The following ETV6 variants were observed in gnomAD, a reference collection of about 807,000 sequenced individuals.
ETV6 encodes the protein transcription factor ETV6.
In ETV6, 16 loss-of-function variants were observed where a neutral mutation model predicts 51.1. The observed-to-expected ratio is 0.31, with a 90% CI of 0.21 to 0.48. ETV6 has a LOEUF of 0.48. Ranked by LOEUF, ETV6 falls within the 20% of genes least tolerant of loss-of-function variation. The pLI is 0.99. For synonymous variants in ETV6, 240 were observed against 224.1 expected (o/e 1.07, Z -0.64); for missense variants, 458 against 594.8 (o/e 0.77, Z 2.39).
At position 11,893,797 on chromosome 12, in the gene ETV6, TATATATATATATA is replaced by T. The variant is rs1947338913; in HGVS notation, c.*2752_*2764del. The T allele has an allele frequency of 2.6e-3, 16 of 6,140 alleles. 2 individuals carry two copies. In the South Asian group the frequency reaches 0.036, roughly 14 times the overall value. 0.4% of individuals were successfully genotyped at this position (6,140 alleles called of 1,614,324 possible). ...TCCATCCCCAAGATCTCTCATTTTA[TATATATATATATA>T]TATATATATATATATATATATATAT... On this transcript the variant is annotated 3_prime_UTR_variant, in exon 8 of 8. Coordinates refer to ENST00000396373, the MANE Select transcript of ETV6 (RefSeq NM_001987.5).
chr12:11,883,250 G>A (rs868171561), intron 5 of ETV6, among the ~76,000 whole-genome samples: 9 of 145,708 alleles, frequency 6.2e-5, no homozygotes, highest in South Asian at 2.2e-4. Context: ...CATAGAACAA[G>A]GGGAAGGTGT....
chr12:11,793,629 A>G (rs760859970), intron 2 of ETV6, among the ~76,000 whole-genome samples: 12 of 152,064 alleles, frequency 7.9e-5, no homozygotes, highest in Non-Finnish European at 1.3e-4. Flanking sequence ...CCCAGGTCGG[A>G]CTCTACAGCT....
At chr12:11,791,379 G>A (rs568156977) in intron 2 of ETV6, among the ~76,000 whole-genome samples, 1 of 152,318 alleles carries the variant, frequency 6.6e-6, no homozygotes, top group Non-Finnish European at 1.5e-5. Context: ...TCCTGCCATA[G>A]GGATGTTGTC....
chr12:11,709,851 A>G (rs1001650354), intron 1 of ETV6, among the ~76,000 whole-genome samples: 3 of 152,212 alleles, frequency 2.0e-5, no homozygotes, highest in Admixed American at 6.5e-5. Flanking sequence ...CTGCTGGCAC[A>G]TCTTGCAGAT....
intron 1 of ETV6, among the ~76,000 whole-genome samples, chr12:11,650,618 A>G (rs1229977734): frequency 6.6e-6 from 1 of 151,700 alleles, no homozygotes; most frequent in Non-Finnish European, 1.5e-5. Flanking sequence ...ACTGCGATAG[A>G]ATCTTTTTAT....
intron 1 of ETV6, among the ~76,000 whole-genome samples, chr12:11,750,607 C>T (rs1003874360): frequency 1.3e-5 from 2 of 152,150 alleles, no homozygotes; most frequent in Admixed American, 6.5e-5. Context: ...AAACAGAAAG[C>T]TATTTCCGAG....
chr12:11,874,376 CAAA>C (rs35586470), intron 5 of ETV6, among the ~76,000 whole-genome samples: 3 of 66,008 alleles, frequency 4.5e-5, no homozygotes, highest in Non-Finnish European at 9.6e-5. Context: ...TACTCTGTCT[CAAA>C]AAAAAAAAAA....
intron 2 of ETV6, among the ~76,000 whole-genome samples, chr12:11,817,062 G>T (rs1478574623): frequency 6.6e-6 from 1 of 152,164 alleles, no homozygotes; most frequent in East Asian, 1.9e-4. Flanking sequence ...CCGAACTTTA[G>T]AGTCAAACAG....
At chr12:11,887,182 G>A (rs375598131) in intron 7 of ETV6, among the ~76,000 whole-genome samples, 10 of 152,244 alleles carry the variant, frequency 6.6e-5, no homozygotes, top group East Asian at 5.8e-4. Flanking sequence ...TGGCTCTACC[G>A]TATGGCTTTT....
chr12:11,835,532 A>C (rs941405092), intron 2 of ETV6, among the ~76,000 whole-genome samples: 1 of 152,204 alleles, frequency 6.6e-6, no homozygotes, highest in African/African-American at 2.4e-5. Context: ...CTCAAGACCA[A>C]GCACCCATGA....
intron 2 of ETV6, among the ~76,000 whole-genome samples, chr12:11,758,526 G>A (rs1480881584): frequency 1.3e-5 from 2 of 152,168 alleles, no homozygotes; most frequent in African/African-American, 2.4e-5. Flanking sequence ...ACGATCCCCT[G>A]TGATTTCCAG....
intron 1 of ETV6, among the ~76,000 whole-genome samples, chr12:11,689,980 G>A (rs556708235): frequency 3.3e-5 from 5 of 152,040 alleles, no homozygotes; most frequent in African/African-American, 7.2e-5. Context: ...AAGGGTGTTC[G>A]GTGTCACAAG....
In ETV6 at chr12:11,852,934, C is replaced by T. The variant is rs146220748; in HGVS notation, c.329-493C>T. Among the ~76,000 whole-genome samples, 852 of 152,292 alleles carry T rather than the reference C, an allele frequency of 5.6e-3. 6 individuals carry two copies. The highest frequency in any genetic ancestry group is 0.019 in the African/African-American group (799 of 41,548). ...GTGCACGGTAGCTTACACCTGTAAT[C>T]CCAGCACTTTGGGAGGCCTAGGCGA... is the stretch of plus-strand genomic sequence containing the variant. On this transcript the variant is annotated intron_variant, in intron 3 of 7. Coordinates refer to ENST00000396373, the MANE Select transcript of ETV6 (RefSeq NM_001987.5).
chr12:11,794,631 CTT>C (rs1290724739), intron 2 of ETV6, among the ~76,000 whole-genome samples: 2 of 152,192 alleles, frequency 1.3e-5, no homozygotes, highest in South Asian at 2.1e-4. Flanking sequence ...TTTTTTATCT[CTT>C]GAGGTATTTT....
intron 2 of ETV6, among the ~76,000 whole-genome samples, chr12:11,779,443 A>C (rs2136366300): frequency 6.6e-6 from 1 of 152,328 alleles, no homozygotes; most frequent in African/African-American, 2.4e-5. Flanking sequence ...CTTGGTAATC[A>C]TTCACGTCAA....
chr12:11,890,077 G>A (rs1344180656), intron 7 of ETV6, among the ~76,000 whole-genome samples: 1 of 151,394 alleles, frequency 6.6e-6, no homozygotes. Flanking sequence ...GACTAAAGAG[G>A]GTTCATTGCT....
At chr12:11,710,953 A>T (rs938592014) in intron 1 of ETV6, among the ~76,000 whole-genome samples, 1 of 152,202 alleles carries the variant, frequency 6.6e-6, no homozygotes, top group African/African-American at 2.4e-5. Context: ...CATTGAGACT[A>T]AGTGGAGACC....
chr12:11,700,569 G>A (rs915119231), intron 1 of ETV6, among the ~76,000 whole-genome samples: 6 of 152,072 alleles, frequency 3.9e-5, no homozygotes, highest in Admixed American at 6.5e-5. Flanking sequence ...TACCGATAAC[G>A]TAAATGGTTA....
intron 3 of ETV6, among the ~76,000 whole-genome samples, chr12:11,851,230 T>G (rs1403515516): frequency 7.5e-6 from 1 of 133,330 alleles, no homozygotes; most frequent in East Asian, 2.2e-4. Context: ...CACTAATTAC[T>G]GGACCTTTTT....
Sources: allele counts gnomAD v4.1 joint callset (sites outside exome capture counted in the v4.1 genomes callset), GRCh38; gene constraint gnomAD v4.1.1; transcripts MANE v1.5; gene names NCBI Gene and HGNC (gene_info 2026-07-23, HGNC 2026-07-21).